Variants in AFAP1L2 observed in about 807,000 individuals in gnomAD.
AFAP1L2 encodes actin filament associated protein 1 like 2, also known as actin filament-associated protein 1-like 2.
In AFAP1L2, 46 loss-of-function variants were observed where a neutral mutation model predicts 99.3. The observed-to-expected ratio is 0.46, with a 90% CI of 0.37 to 0.59. AFAP1L2 has a LOEUF of 0.59. AFAP1L2 is among the 20% of genes least tolerant of loss of function. The probability of loss-of-function intolerance (pLI) is 0.00; values close to 1 mark genes in which losing one functional copy is unlikely to be tolerated. For synonymous variants in AFAP1L2, 397 were observed against 419.1 expected (o/e 0.95, Z 0.64); for missense variants, 959 against 1,034.9 (o/e 0.93, Z 1.01).
At chr10:114,317,837 G>A (rs965308338) in intron 5 of AFAP1L2, among the ~76,000 whole-genome samples, 10 of 152,300 alleles carry the variant, frequency 6.6e-5, no homozygotes, top group Admixed American at 4.6e-4. Context: ...TCCAGCCTGC[G>A]CAACAGAGTG....
In AFAP1L2 at chr10:114,296,038, T is replaced by C; in HGVS notation, c.*4A>G. 1.9e-6 allele frequency: 3 copies of C among 1,614,170 alleles called. No homozygotes were observed. Among genetic ancestry groups the C allele is most frequent in the Non-Finnish European group, 2.5e-6 (3 of 1,179,998 alleles). The stretch of plus-strand genomic sequence containing the variant: ...CATGAGAGTCTTTAGATGAAGCTTG[T>C]TTTCTAACTTGCTCCTTTCTTCTCC... On this transcript the variant is annotated 3_prime_UTR_variant, in exon 19 of 19. Transcript: ENST00000304129.
chr10:114,339,792 TCACC>T (rs2048522195), intron 2 of AFAP1L2, among the ~76,000 whole-genome samples: 1 of 145,524 alleles, frequency 6.9e-6, no homozygotes, highest in African/African-American at 2.6e-5. Flanking sequence ...GGTGGATGGA[TCACC>T]TGAGGTCAGG....
At chr10:114,336,813 T>C (rs1191639151) in intron 2 of AFAP1L2, among the ~76,000 whole-genome samples, 2 of 152,256 alleles carry the variant, frequency 1.3e-5, no homozygotes, top group Non-Finnish European at 2.9e-5. Context: ...TCTTAGTCTA[T>C]GCCTGGACCT....
rs951548607 is a variant in AFAP1L2 at position 114,352,656 on chromosome 10, A to G, written c.17-11925T>C. Among the ~76,000 whole-genome samples, 14 of 152,326 alleles carry G rather than the reference A, an allele frequency of 9.2e-5. No homozygotes were observed. In the East Asian group the frequency reaches 1.4e-3, roughly 15 times the overall value. The stretch of plus-strand genomic sequence containing the variant: ...TGAGAATGAACGAGTGAAGGTTTTC[A>G]AAGCTTTCTGTAGCTTAGCCCAGGT... On this transcript the variant is annotated intron_variant, in intron 1 of 18. Coordinates refer to ENST00000304129, the MANE Select transcript of AFAP1L2 (RefSeq NM_001001936.3).
At position 114,375,218 on chromosome 10, in the gene AFAP1L2, A is replaced by G. The variant is rs140334655; in HGVS notation, c.16+29222T>C. 1.5e-3 allele frequency among the ~76,000 whole-genome samples: 231 copies of G among 152,332 alleles called. 1 individual carries two copies. Among genetic ancestry groups the G allele is most frequent in the African/African-American group, 5.3e-3 (222 of 41,582 alleles). ...GGCGTCCATAGATATTTATTGGAAC[A>G]CAGCCATGCACTTTTGTTTACATAG... is the stretch of plus-strand genomic sequence containing the variant. On this transcript the variant is annotated intron_variant, in intron 1 of 18. Transcript: ENST00000304129.
chr10:114,302,290 C>A (rs1243381639), intron 12 of AFAP1L2, 49 bp downstream of exon 12: 2 of 1,612,448 alleles, frequency 1.2e-6, no homozygotes, highest in East Asian at 4.5e-5. Context: ...GGGCCTACAG[C>A]ATGGCCAGGA....
chr10:114,355,750 T>A (rs1171428698), intron 1 of AFAP1L2, among the ~76,000 whole-genome samples: 1 of 152,062 alleles, frequency 6.6e-6, no homozygotes, highest in Non-Finnish European at 1.5e-5. Context: ...GGTGGTTGGA[T>A]CACTTGAGCC....
intron 1 of AFAP1L2, among the ~76,000 whole-genome samples, chr10:114,349,396 A>AG (rs2050102958): frequency 6.7e-6 from 1 of 149,320 alleles, no homozygotes; most frequent in Non-Finnish European, 1.5e-5. Flanking sequence ...AAAAAAAAAA[A>AG]AAAAAAAGAA....
intron 10 of AFAP1L2, among the ~76,000 whole-genome samples, chr10:114,307,535 C>T (rs530133417): frequency 6.6e-6 from 1 of 151,952 alleles, no homozygotes; most frequent in South Asian, 2.1e-4. Context: ...ATCAAATGAA[C>T]ATCATTTTTA....
intron 5 of AFAP1L2, chr10:114,319,721 G>C: frequency 1.8e-6 from 2 of 1,081,836 alleles, no homozygotes; most frequent in Non-Finnish European, 2.5e-6. Context: ...CCCAAGTGCA[G>C]AGACACAAAG....
chr10:114,397,299 C>CATG (rs2057815326), intron 1 of AFAP1L2, among the ~76,000 whole-genome samples: 1 of 152,186 alleles, frequency 6.6e-6, no homozygotes, highest in Non-Finnish European at 1.5e-5. Flanking sequence ...GATCTGTTTC[C>CATG]CTATAGTTTT....
At chr10:114,367,615 A>C (rs932368392) in intron 1 of AFAP1L2, among the ~76,000 whole-genome samples, 2 of 152,196 alleles carry the variant, frequency 1.3e-5, no homozygotes, top group African/African-American at 4.8e-5. Flanking sequence ...GCCCAGCTAG[A>C]ATGCAACCCC....
chr10:114,291,138 G>A, downstream of AFAP1L2: 3 of 1,505,186 alleles, frequency 2.0e-6, no homozygotes. Flanking sequence ...AGCAGGACCT[G>A]AAGGGGTCCT....
chr10:114,361,259 AC>A (rs1335922032), intron 1 of AFAP1L2, among the ~76,000 whole-genome samples: 2 of 151,868 alleles, frequency 1.3e-5, no homozygotes, highest in African/African-American at 4.8e-5. Context: ...AAACCATATC[AC>A]CCCCACTTAC....
At chr10:114,320,107 C>A (rs2044913999) in intron 5 of AFAP1L2, among the ~76,000 whole-genome samples, 1 of 152,148 alleles carries the variant, frequency 6.6e-6, no homozygotes, top group East Asian at 1.9e-4. Flanking sequence ...CATTGTGTTA[C>A]TATAAACAGG....
At chr10:114,351,023 C>A (rs2136209646) in intron 1 of AFAP1L2, among the ~76,000 whole-genome samples, 1 of 152,294 alleles carries the variant, frequency 6.6e-6, no homozygotes, top group African/African-American at 2.4e-5. Flanking sequence ...GTGGGAGGCA[C>A]AAAGGTTTGC....
rs144816555 is a variant in AFAP1L2, at chr10:114,302,383, G to A, written c.1386C>T (p.Ala462=). 1.3e-4 allele frequency: 209 copies of A among 1,614,118 alleles called. No homozygotes were observed. The African/African-American group carries it at 1.4e-3, about 10-fold the overall frequency. ...CACTCACAATACAGGAGACCCTATCGGCATCCACATAGTCGTAGGTGAACT... is the reference window on the plus strand; with the variant it reads ...CACTCACAATACAGGAGACCCTATCAGCATCCACATAGTCGTAGGTGAACT... ...PEEFTYDYVD[A]DRVSCIVSAA... is the part of the protein sequence containing the mutation. The change falls in exon 12 of 19, where the codon GCC becomes GCT. Residue 462 remains alanine (A), a synonymous_variant. Coordinates refer to ENST00000304129, the MANE Select transcript of AFAP1L2 (RefSeq NM_001001936.3).
At chr10:114,400,169 C>T (rs1446190343) in intron 1 of AFAP1L2, among the ~76,000 whole-genome samples, 3 of 152,180 alleles carry the variant, frequency 2.0e-5, no homozygotes, top group Admixed American at 1.3e-4. Context: ...AAACATTTCC[C>T]GTTATGAAAG....
In AFAP1L2 at chr10:114,297,019, C is replaced by T. The variant is rs762177671; in HGVS notation, c.2389G>A (p.Val797Ile). The part of the protein sequence containing the change: ...ATTLKNRPLS[V>I]VVTGKGTVLQ... ...ACAGTGCCTTTGCCTGTGACCACGA[C>T]CGAGAGAGGCCTGTTCTTGAGTGTG... is the stretch of plus-strand genomic sequence containing the variant. Residue 797 changes from valine (V) to isoleucine (I), a missense_variant, in exon 18 of 19, where the codon GTC (valine) becomes ATC (isoleucine). Transcript: ENST00000304129. 3.7e-6 allele frequency: 6 copies of T among 1,614,178 alleles called. No individual in the cohort carries two copies. The highest frequency in any genetic ancestry group is 2.2e-5 in the South Asian group (2 of 91,074).
Sources: gnomAD v4.1 joint callset for allele counts (sites outside exome capture counted in the v4.1 genomes callset) on GRCh38, gnomAD v4.1.1 for gene constraint, MANE v1.5 for transcripts, NCBI Gene and HGNC (gene_info 2026-07-23, HGNC 2026-07-21) for gene names.